SASH1: variants seen among roughly 807,000 people sequenced by gnomAD.
The protein encoded by SASH1 is SAM and SH3 domain containing 1.
Under a neutral mutation model 125.2 loss-of-function variants are expected in SASH1, and 44 were observed. The ratio of observed to expected loss-of-function variants is 0.35; its 90% confidence interval spans 0.28 to 0.45. SASH1 has a LOEUF of 0.45. Ranked by LOEUF, SASH1 falls within the 20% of genes least tolerant of loss-of-function variation. The pLI is 1.00. For synonymous variants in SASH1, 639 were observed against 649.1 expected (o/e 0.98, Z 0.24); for missense variants, 1,426 against 1,614.5 (o/e 0.88, Z 2.00).
chr6:148,266,793 G>A, the SASH1 span, among the ~76,000 whole-genome samples: 1 of 150,358 alleles, frequency 6.7e-6, no homozygotes, highest in Non-Finnish European at 1.5e-5. Flanking sequence ...TTTTTTTTTG[G>A]TAGAGATGAT....
chr6:148,202,879 G>A, the SASH1 span, among the ~76,000 whole-genome samples: 5 of 152,132 alleles, frequency 3.3e-5, no homozygotes, highest in East Asian at 3.9e-4. Context: ...GCTTGAACCC[G>A]GTAGGCAGAG....
chr6:148,353,510 C>T (rs149455948), intron 1 of SASH1, among the ~76,000 whole-genome samples: 1 of 144,592 alleles, frequency 6.9e-6, no homozygotes, highest in African/African-American at 2.5e-5. Flanking sequence ...TCTCGGCTCA[C>T]TGCAACCTCT....
chr6:148,241,087 T>C, the SASH1 span, among the ~76,000 whole-genome samples: 4 of 151,342 alleles, frequency 2.6e-5, no homozygotes, highest in Admixed American at 2.6e-4. Flanking sequence ...TTAAAGGCCA[T>C]CAAGGGGAAA....
intron 2 of SASH1, among the ~76,000 whole-genome samples, chr6:148,438,729 A>AGC (rs1776405385): frequency 7.6e-6 from 1 of 132,214 alleles, no homozygotes. Context: ...TTGTGGCAAA[A>AGC]AAAAAAAAAA....
Position 148,514,457 on chromosome 6 carries a change from GTAAA to G in SASH1, c.862+2_862+5del. ...GAAATGAAAAAACCCAGCACTGAAG[GTAAA>G]AAAAAAAAAAAAAAAAAAAAAAAAA... On this transcript the variant is annotated splice_donor_variant and splice_donor_5th_base_variant and intron_variant, in intron 9 of 19. Coordinates refer to ENST00000367467, the MANE Select transcript of SASH1 (RefSeq NM_015278.5). LOFTEE classifies it high-confidence loss of function. 1 of 213,844 alleles carries G rather than the reference GTAAA, an allele frequency of 4.7e-6. No individual in the cohort carries two copies. Among genetic ancestry groups the G allele is most frequent in the Non-Finnish European group, 6.3e-6 (1 of 158,182 alleles). 13.2% of individuals were successfully genotyped at this position (213,844 alleles called of 1,614,324 possible).
Position 148,548,542 on chromosome 6 carries a change from G to T in SASH1, c.3728G>T (p.Gly1243Val), listed in dbSNP as rs764125796. Reference protein sequence around the residue: ...SAARLFKLPPGPEAM With the variant: ...SAARLFKLPPVPEAM ...GCCAGACTCTTCAAACTGCCGCCAG[G>T]CCCTGAGGCCATGTAGCCAGGCCCG... Residue 1243 changes from glycine (G) to valine (V), a missense_variant, in exon 20 of 20, where the codon GGC (glycine) becomes GTC (valine). Gly to Val is a moderately radical substitution (Grantham distance 109). Coordinates refer to ENST00000367467, the MANE Select transcript of SASH1 (RefSeq NM_015278.5). 9.3e-6 allele frequency: 15 copies of T among 1,605,978 alleles called. No homozygotes were observed. In the East Asian group the frequency reaches 2.5e-4, roughly 26 times the overall value.
the SASH1 span, among the ~76,000 whole-genome samples, chr6:148,204,606 C>T: frequency 1.3e-5 from 2 of 152,036 alleles, no homozygotes; most frequent in Admixed American, 1.3e-4. Flanking sequence ...GTAGGAGAAT[C>T]GCTTGAACCC....
chr6:148,349,511 G>A (rs1387375910), intron 1 of SASH1, among the ~76,000 whole-genome samples: 12 of 151,982 alleles, frequency 7.9e-5, no homozygotes, highest in Non-Finnish European at 1.5e-4. Context: ...TGATCTGCCT[G>A]CCTCGGCCTT....
chr6:148,236,988 T>C, the SASH1 span, among the ~76,000 whole-genome samples: 142,973 of 152,262 alleles, frequency 0.94, 67,270 homozygotes, highest in East Asian at 1. Flanking sequence ...GCTATGACAG[T>C]AACAAGACCC....
At chr6:148,493,619 C>T (rs1779199019) in intron 8 of SASH1, among the ~76,000 whole-genome samples, 1 of 152,204 alleles carries the variant, frequency 6.6e-6, no homozygotes, top group African/African-American at 2.4e-5. Context: ...ATTTCATTTG[C>T]ATTGATTTCA....
chr6:148,447,324 G>A (rs1278386727), intron 4 of SASH1, among the ~76,000 whole-genome samples: 1 of 152,136 alleles, frequency 6.6e-6, no homozygotes, highest in East Asian at 1.9e-4. Flanking sequence ...AGTGTTCTGT[G>A]GTGAAATAAA....
the SASH1 span, among the ~76,000 whole-genome samples, chr6:148,241,255 G>A: frequency 5.9e-5 from 9 of 152,278 alleles, no homozygotes; most frequent in East Asian, 5.8e-4. Flanking sequence ...ACTGAGACTC[G>A]CCTTCTCATC....
chr6:148,218,012 C>G, the SASH1 span, among the ~76,000 whole-genome samples: 1 of 129,332 alleles, frequency 7.7e-6, no homozygotes, highest in East Asian at 2.7e-4. Context: ...GAGACTCTGT[C>G]TCAAAAAAAA....
chr6:148,410,676 T>G (rs1350990023), intron 2 of SASH1, among the ~76,000 whole-genome samples: 1 of 152,236 alleles, frequency 6.6e-6, no homozygotes, highest in East Asian at 1.9e-4. Flanking sequence ...AATTATAAGT[T>G]GCACTTAAAG....
chr6:148,372,759 T>C lies in SASH1; in HGVS notation c.157-17375T>C, dbSNP rs1186442379. On this transcript the variant is annotated intron_variant, in intron 1 of 19. Coordinates refer to ENST00000367467, the MANE Select transcript of SASH1 (RefSeq NM_015278.5). ...CAGTGCATTTATATTGAGAGCCTGC[T>C]AGATACTGTCCTAAGCACAAAAAAG... Among the ~76,000 whole-genome samples the C allele has an allele frequency of 3.9e-5, 6 of 152,184 alleles. No individual in the cohort carries two copies. In the East Asian group the frequency reaches 7.7e-4, roughly 20 times the overall value.
chr6:148,362,137 C>T (rs1031629603), intron 1 of SASH1, among the ~76,000 whole-genome samples: 4 of 151,536 alleles, frequency 2.6e-5, no homozygotes, highest in East Asian at 1.9e-4. Context: ...CCGTGTTAGC[C>T]AGGATGGTCT....
chr6:148,364,253 A>G (rs918637081), intron 1 of SASH1, among the ~76,000 whole-genome samples: 5 of 152,164 alleles, frequency 3.3e-5, no homozygotes, highest in Admixed American at 6.5e-5. Flanking sequence ...TAGCAGAGGA[A>G]AAGGAAAGTT....
intron 1 of SASH1, among the ~76,000 whole-genome samples, chr6:148,387,585 TTTC>T (rs1562370945): frequency 4.4e-4 from 3 of 6,858 alleles, no homozygotes; most frequent in East Asian, 4.0e-3. Flanking sequence ...TCTTTCTTTC[TTTC>T]TTTCTTTCTT....
chr6:148,304,803 G>A (rs1400435569), intron 1 of SASH1, among the ~76,000 whole-genome samples: 3 of 152,150 alleles, frequency 2.0e-5, no homozygotes, highest in Non-Finnish European at 4.4e-5. Flanking sequence ...CGAGGCAGGC[G>A]GATCACTTGA....
Sources: allele counts gnomAD v4.1 joint callset (sites outside exome capture counted in the v4.1 genomes callset), GRCh38; gene constraint gnomAD v4.1.1; transcripts MANE v1.5; gene names NCBI Gene and HGNC (gene_info 2026-07-23, HGNC 2026-07-21).